The following P3H2 variants were observed in gnomAD, a reference collection of about 807,000 sequenced individuals.
P3H2 encodes leprecan-like 1.
P3H2 carries 80 observed loss-of-function variants against 87.0 expected under a neutral mutation model. The observed-to-expected ratio is 0.92, with a 90% confidence interval of 0.77 to 1.11. The LOEUF (loss-of-function observed/expected upper bound fraction) is 1.11. Among genes scored for constraint, P3H2 ranks in the 50% least tolerant of loss-of-function variants. The probability of loss-of-function intolerance (pLI) is 0.00; values close to 1 mark genes in which losing one functional copy is unlikely to be tolerated. For synonymous variants in P3H2, 367 were observed against 359.3 expected (o/e 1.02, Z -0.24); for missense variants, 1,001 against 923.9 (o/e 1.08, Z -1.08).
At chr3:190,050,698 G>A (rs990945108) in intron 1 of P3H2, among the ~76,000 whole-genome samples, 3 of 152,072 alleles carry the variant, frequency 2.0e-5, no homozygotes, top group Non-Finnish European at 4.4e-5. Context: ...GATTTTATTC[G>A]TCCTTCATGA....
chr3:190,036,525 A>C (rs1666485), intron 1 of P3H2, among the ~76,000 whole-genome samples: 122,336 of 152,012 alleles, frequency 0.8, 49,288 homozygotes, highest in East Asian at 0.86. Context: ...TGAGATTATT[A>C]TTTAAAATCT....
chr3:189,966,083 G>GAAGAAAGA (rs200110898), intron 13 of P3H2, among the ~76,000 whole-genome samples: 12 of 116,602 alleles, frequency 1.0e-4, no homozygotes, highest in African/African-American at 2.5e-4. Context: ...GGAAAGAAAG[G>GAAGAAAGA]AAGAAAGAAA....
chr3:190,074,859 A>T (rs915601475), intron 1 of P3H2, among the ~76,000 whole-genome samples: 7 of 152,236 alleles, frequency 4.6e-5, no homozygotes, highest in African/African-American at 1.4e-4. Context: ...GAGAGAAGAA[A>T]ATATACACAG....
In P3H2 at chr3:190,102,938, A is replaced by G. The variant is rs571731970; in HGVS notation, c.480+17314T>C. ...AGTCAGCAGCCACCAACACTGAGGA[A>G]AGACTGTCCACCAGCAAAAAGACTG... is the stretch of plus-strand genomic sequence containing the variant. On this transcript the variant is annotated intron_variant, in intron 1 of 14. Transcript: ENST00000319332. Among the ~76,000 whole-genome samples, 56 of 152,340 alleles carry G rather than the reference A, an allele frequency of 3.7e-4. No homozygotes were observed. In the South Asian group the frequency reaches 0.012, roughly 32 times the overall value.
intron 1 of P3H2, among the ~76,000 whole-genome samples, chr3:190,097,298 CAAA>C (rs778222341): frequency 1.7e-4 from 26 of 152,210 alleles, no homozygotes; most frequent in Non-Finnish European, 2.8e-4. Flanking sequence ...GTAAAACAAA[CAAA>C]CAACCAAAAA....
At position 189,963,813 on chromosome 3, in the gene P3H2, A is replaced by G; in HGVS notation, c.2034+145T>C. ...TATCATTGACACAGCTATTTCTACA[A>G]ACATCTTCACTTACTAGAACATATC... is the stretch of plus-strand genomic sequence containing the variant. On this transcript the variant is annotated intron_variant, in intron 14 of 14. Transcript: ENST00000319332. 5 of 802,134 alleles carry G rather than the reference A, an allele frequency of 6.2e-6. No individual in the cohort carries two copies. In the Admixed American group the frequency reaches 9.2e-5, roughly 15 times the overall value. 49.7% of individuals were successfully genotyped at this position (802,134 alleles called of 1,614,324 possible).
chr3:189,966,017 G>GAAAGAAAA (rs1722964714), intron 13 of P3H2, among the ~76,000 whole-genome samples: 1 of 132,828 alleles, frequency 7.5e-6, no homozygotes, highest in African/African-American at 2.8e-5. Context: ...GGGAGAGAAA[G>GAAAGAAAA]AAAGAAAAAG....
At chr3:190,008,189 T>C (rs2108932622) in intron 1 of P3H2, among the ~76,000 whole-genome samples, 1 of 152,032 alleles carries the variant, frequency 6.6e-6, no homozygotes, top group South Asian at 2.1e-4. Context: ...AGCTGAAACC[T>C]GGTCTTTTAA....
chr3:190,031,918 A>C (rs149209049), intron 1 of P3H2, among the ~76,000 whole-genome samples: 1 of 152,328 alleles, frequency 6.6e-6, no homozygotes, highest in Non-Finnish European at 1.5e-5. Context: ...AAAAGACAAC[A>C]ATTAAGGGCA....
intron 1 of P3H2, among the ~76,000 whole-genome samples, chr3:190,092,842 T>C (rs1435369817): frequency 6.6e-6 from 1 of 152,240 alleles, no homozygotes; most frequent in Admixed American, 6.5e-5. Flanking sequence ...CCTGTAGTTC[T>C]TGTTTTTGCT....
intron 1 of P3H2, among the ~76,000 whole-genome samples, chr3:190,081,566 G>C (rs1220841559): frequency 6.6e-6 from 1 of 152,172 alleles, no homozygotes; most frequent in Non-Finnish European, 1.5e-5. Flanking sequence ...CTACCATCTA[G>C]TGTCGCCACT....
rs9821880 is a variant in P3H2, at chr3:189,995,416, T to C, written c.507A>G (p.Glu169=). ...IKLNQLEKAV[E]AAHTFFVANP... Reference sequence around the variant, plus strand: ...TAGCCACGAAAAATGTGTGAGCTGCTTCCACTGCTTTTTCGAGCTGGTTAA... The same window carrying C: ...TAGCCACGAAAAATGTGTGAGCTGCCTCCACTGCTTTTTCGAGCTGGTTAA... The change falls in exon 2 of 15, where the codon GAA becomes GAG. Residue 169 remains glutamate, a synonymous_variant. Transcript: ENST00000319332. The C allele has an allele frequency of 0.32, 517,608 of 1,613,294 alleles. 85,355 individuals are homozygous for C. Among genetic ancestry groups the C allele is most frequent in the East Asian group, 0.48 (21,599 of 44,836 alleles).
At chr3:190,062,823 C>A (rs1726375293) in intron 1 of P3H2, among the ~76,000 whole-genome samples, 2 of 152,026 alleles carry the variant, frequency 1.3e-5, no homozygotes, top group South Asian at 4.2e-4. Context: ...AACTCCATAT[C>A]CTAACCACCA....
chr3:190,029,156 A>G (rs74774477), intron 1 of P3H2, among the ~76,000 whole-genome samples: 8,007 of 152,290 alleles, frequency 0.053, 678 homozygotes, highest in African/African-American at 0.18. Flanking sequence ...GTATTTATTA[A>G]GTGTCCATTG....
At chr3:190,049,775 C>T (rs1447936) in intron 1 of P3H2, among the ~76,000 whole-genome samples, 124,400 of 152,172 alleles carry the variant, frequency 0.82, 51,037 homozygotes, top group East Asian at 0.88. Context: ...AATAGTTTCA[C>T]GGAATCAAAG....
intron 2 of P3H2, among the ~76,000 whole-genome samples, chr3:189,994,485 A>T (rs1377776223): frequency 6.6e-6 from 1 of 152,128 alleles, no homozygotes; most frequent in Non-Finnish European, 1.5e-5. Context: ...CTTGTAAGTG[A>T]GAGGGGTCTT....
chr3:190,096,127 T>C (rs1454142973), intron 1 of P3H2, among the ~76,000 whole-genome samples: 1 of 152,168 alleles, frequency 6.6e-6, no homozygotes, highest in African/African-American at 2.4e-5. Context: ...TTACAAACAA[T>C]ACAAACAAAC....
At chr3:190,092,590 A>G (rs1577319768) in intron 1 of P3H2, among the ~76,000 whole-genome samples, 1 of 152,360 alleles carries the variant, frequency 6.6e-6, no homozygotes, top group South Asian at 2.1e-4. Flanking sequence ...CTAGTTATCC[A>G]GCATTAGAGA....
chr3:190,106,907 A>C (rs1357620497), intron 1 of P3H2, among the ~76,000 whole-genome samples: 1 of 152,234 alleles, frequency 6.6e-6, no homozygotes, highest in Non-Finnish European at 1.5e-5. Context: ...GAAAATTTAC[A>C]TAAAGCTTTT....
Sources: allele counts gnomAD v4.1 joint callset (sites outside exome capture counted in the v4.1 genomes callset), GRCh38; gene constraint gnomAD v4.1.1; transcripts MANE v1.5; gene names NCBI Gene and HGNC (gene_info 2026-07-23, HGNC 2026-07-21).